The following GALNTL6 variants were observed in gnomAD, a reference collection of about 807,000 sequenced individuals.
GALNTL6 encodes polypeptide N-acetylgalactosaminyltransferase-like 6.
Under a neutral mutation model 73.7 loss-of-function variants are expected in GALNTL6, and 46 were observed. That is an observed-to-expected ratio of 0.62 (90% CI 0.49 to 0.80). The LOEUF (loss-of-function observed/expected upper bound fraction) is 0.80, where lower values mean the gene tolerates loss of function less well. GALNTL6 is among the 30% of genes least tolerant of loss of function. The probability of loss-of-function intolerance (pLI) is 0.00; values close to 1 mark genes in which losing one functional copy is unlikely to be tolerated. For missense variants in GALNTL6, 604 were observed against 755.0 expected, an observed-to-expected ratio of 0.80 and a Z score of 2.34; for synonymous variants, 259 against 263.7, an observed-to-expected ratio of 0.98 and a Z score of 0.17.
At chr4:172,713,427 T>C (rs1734848847) in intron 5 of GALNTL6, among the ~76,000 whole-genome samples, 1 of 151,948 alleles carries the variant, frequency 6.6e-6, no homozygotes, top group Admixed American at 6.6e-5. Flanking sequence ...GCATTCCCTC[T>C]TGCTGCAGGA....
At chr4:171,912,931 TC>T in intron 2 of GALNTL6, among the ~76,000 whole-genome samples, 1 of 152,346 alleles carries the variant, frequency 6.6e-6, no homozygotes. Flanking sequence ...GTACCACGTT[TC>T]CTTTACCCGT....
intron 2 of GALNTL6, among the ~76,000 whole-genome samples, chr4:172,142,880 A>G (rs986187021): frequency 2.0e-5 from 3 of 152,008 alleles, no homozygotes; most frequent in African/African-American, 7.2e-5. Context: ...ATTGAATACT[A>G]TGGAGAGTTT....
intron 2 of GALNTL6, among the ~76,000 whole-genome samples, chr4:171,908,474 A>G (rs1418422466): frequency 3.9e-5 from 6 of 152,238 alleles, no homozygotes; most frequent in African/African-American, 1.2e-4. Context: ...TTAGAATGGC[A>G]ATCATTAAAA....
intron 5 of GALNTL6, among the ~76,000 whole-genome samples, chr4:172,734,742 G>A (rs1477832513): frequency 6.6e-6 from 1 of 152,094 alleles, no homozygotes; most frequent in Non-Finnish European, 1.5e-5. Context: ...AGGTCTAGGA[G>A]GTAAAAATGG....
At chr4:172,827,194 C>T (rs988658685) in intron 7 of GALNTL6, among the ~76,000 whole-genome samples, 9 of 152,154 alleles carry the variant, frequency 5.9e-5, no homozygotes, top group South Asian at 2.1e-4. Context: ...CCAAGAGGCC[C>T]GGTTGCAGGC....
intron 8 of GALNTL6, among the ~76,000 whole-genome samples, chr4:172,920,842 A>G (rs1747753413): frequency 6.6e-6 from 1 of 152,334 alleles, no homozygotes; most frequent in Non-Finnish European, 1.5e-5. Context: ...GTCAACAAAT[A>G]CCTACAGAGT....
intron 5 of GALNTL6, among the ~76,000 whole-genome samples, chr4:172,759,420 C>G (rs535203042): frequency 2.0e-5 from 3 of 152,362 alleles, no homozygotes; most frequent in Non-Finnish European, 4.4e-5. Context: ...TATTACCAGT[C>G]AGATCCATGT....
chr4:172,024,914 C>A (rs1741511021), intron 2 of GALNTL6, among the ~76,000 whole-genome samples: 1 of 148,362 alleles, frequency 6.7e-6, no homozygotes, highest in African/African-American at 2.5e-5. Flanking sequence ...GAGTTTCTTC[C>A]CTTCCTCTTA....
intron 4 of GALNTL6, among the ~76,000 whole-genome samples, chr4:172,312,018 A>G (rs1740381062): frequency 6.6e-6 from 1 of 152,206 alleles, no homozygotes; most frequent in Non-Finnish European, 1.5e-5. Flanking sequence ...ATTTTAAGGC[A>G]ATATCCATAC....
chr4:172,141,893 A>G (rs1049496801), intron 2 of GALNTL6, among the ~76,000 whole-genome samples: 25 of 116,728 alleles, frequency 2.1e-4, no homozygotes, highest in Middle Eastern at 4.7e-3. Context: ...ACACACACAC[A>G]CACACACACA....
chr4:172,836,237 C>T (rs1388091412), intron 7 of GALNTL6, among the ~76,000 whole-genome samples: 1 of 152,214 alleles, frequency 6.6e-6, no homozygotes, highest in Non-Finnish European at 1.5e-5. Flanking sequence ...AAGAGAAACA[C>T]CTGAAATGTA....
At chr4:172,764,146 T>TG (rs11381757) in intron 5 of GALNTL6, among the ~76,000 whole-genome samples, 6,831 of 152,182 alleles carry the variant, frequency 0.045, 267 homozygotes, top group African/African-American at 0.1. Context: ...TTAGTAGAGA[T>TG]GGGGTTTCTC....
chr4:171,911,263 AAGCCTCCCACTTC>A (rs1437603332), intron 2 of GALNTL6, among the ~76,000 whole-genome samples: 1 of 152,104 alleles, frequency 6.6e-6, no homozygotes, highest in East Asian at 1.9e-4. Flanking sequence ...AGGCTCTGTC[AAGCCTCCCACTTC>A]AGCCTCCCAA....
chr4:172,784,448 A>C (rs761656842), intron 5 of GALNTL6, among the ~76,000 whole-genome samples: 1 of 152,154 alleles, frequency 6.6e-6, no homozygotes. Context: ...TTGTAAAAAA[A>C]TACTATAAAT....
chr4:172,502,620 A>G (rs1734299298), intron 5 of GALNTL6, among the ~76,000 whole-genome samples: 1 of 152,248 alleles, frequency 6.6e-6, no homozygotes, highest in Non-Finnish European at 1.5e-5. Flanking sequence ...ATATTAAAGA[A>G]TGAAAAGTCC....
intron 7 of GALNTL6, among the ~76,000 whole-genome samples, chr4:172,818,012 A>G (rs1056832541): frequency 6.6e-6 from 1 of 152,024 alleles, no homozygotes; most frequent in African/African-American, 2.4e-5. Context: ...ACAACAAAAC[A>G]TTTTTCTTTT....
rs191464825 is a variant in GALNTL6, at chr4:172,487,319, T to C, written c.553+138630T>C. Reference sequence around the variant, plus strand: ...CCTTCTGTCTTTCTTTCTTTCTTTCTTTCTTTCTTTCTTTCTTTCTTTCTT... The same window carrying C: ...CCTTCTGTCTTTCTTTCTTTCTTTCCTTCTTTCTTTCTTTCTTTCTTTCTT... On this transcript the variant is annotated intron_variant, in intron 5 of 12. Coordinates refer to ENST00000506823, the MANE Select transcript of GALNTL6 (RefSeq NM_001034845.3). Among the ~76,000 whole-genome samples the C allele has an allele frequency of 4.4e-3, 528 of 119,512 alleles. 8 individuals are homozygous for C. Among genetic ancestry groups the C allele is most frequent in the East Asian group, 0.025 (121 of 4,810 alleles). 78.4% of individuals were successfully genotyped at this position (119,512 alleles called of 152,430 possible).
intron 3 of GALNTL6, among the ~76,000 whole-genome samples, chr4:172,233,956 A>G (rs1228264159): frequency 1.3e-5 from 2 of 151,908 alleles, no homozygotes; most frequent in Admixed American, 6.6e-5. Flanking sequence ...TGGCTTTGTA[A>G]TTTTGTTCTC....
intron 2 of GALNTL6, among the ~76,000 whole-genome samples, chr4:171,910,752 C>A (rs1381557828): frequency 6.6e-6 from 1 of 152,048 alleles, no homozygotes; most frequent in African/African-American, 2.4e-5. Context: ...ATTATAGCCA[C>A]TTCAAAGTAA....
Sources: gnomAD v4.1 joint callset for allele counts (sites outside exome capture counted in the v4.1 genomes callset) on GRCh38, gnomAD v4.1.1 for gene constraint, MANE v1.5 for transcripts, NCBI Gene and HGNC (gene_info 2026-07-23, HGNC 2026-07-21) for gene names.